The following CLBA1 variants were observed in gnomAD, a reference collection of about 807,000 sequenced individuals.
CLBA1 encodes uncharacterized protein CLBA1.
CLBA1 carries 30 observed loss-of-function variants against 28.8 expected under a neutral mutation model. That is an observed-to-expected ratio of 1.04 (90% CI 0.78 to 1.41). The LOEUF is 1.41. Ranked by LOEUF, CLBA1 falls within the 40% of genes most tolerant of loss-of-function variation. CLBA1 has a pLI of 0.00. For synonymous variants in CLBA1, 160 were observed against 152.8 expected, an observed-to-expected ratio of 1.05 and a Z score of -0.35; for missense variants, 451 against 412.3, an observed-to-expected ratio of 1.09 and a Z score of -0.81.
At position 104,994,625 on chromosome 14, in the gene CLBA1, G is replaced by C; in HGVS notation, c.844G>C (p.Gly282Arg). 6.2e-7 allele frequency: 1 copy of C among 1,612,284 alleles called. No individual in the cohort carries two copies. Residue 282 changes from glycine (G) to arginine (R), a missense_variant, in exon 5 of 5, where the codon GGG (glycine) becomes CGG (arginine). Physicochemically the swap from Gly to Arg is moderately radical, Grantham distance 125. Coordinates refer to ENST00000547315, the MANE Select transcript of CLBA1 (RefSeq NM_174891.4). The part of the protein sequence containing the change: ...KLSGPPGSKQ[G>R]RLMTCSRFLK... ...CTCGGGGCCGCCTGGCAGCAAACAGGGGAGGCTGATGACATGCAGCCGCTT... is the reference window on the plus strand; with the variant it reads ...CTCGGGGCCGCCTGGCAGCAAACAGCGGAGGCTGATGACATGCAGCCGCTT...
At position 104,986,814 on chromosome 14, in the gene CLBA1, G is replaced by T; in HGVS notation, c.383G>T (p.Gly128Val). 6.2e-7 allele frequency: 1 copy of T among 1,613,340 alleles called. No homozygotes were observed. Among genetic ancestry groups the T allele is most frequent in the Non-Finnish European group, 8.5e-7 (1 of 1,179,992 alleles). ...AGTTCTCACCAACCATGCCAGGGTG[G>T]ACCTTGGGTGACAGGAACTTCTGCC... ...ECSSHQPCQG[G>V]PWVTGTSAVP... is the part of the protein sequence containing the mutation. The change falls in exon 1 of 5, where the codon GGA becomes GTA. Residue 128 changes from glycine to valine, a missense_variant. Coordinates refer to ENST00000547315, the MANE Select transcript of CLBA1 (RefSeq NM_174891.4).
Position 104,995,227 on chromosome 14 carries a change from C to T in CLBA1, c.*468C>T. The stretch of plus-strand genomic sequence containing the variant: ...AACCCTCTGTCTGTCACACTCTGCC[C>T]TGGCTGCTGTGTGGTCAGGGCACCA... On this transcript the variant is annotated 3_prime_UTR_variant, in exon 5 of 5. Coordinates refer to ENST00000547315, the MANE Select transcript of CLBA1 (RefSeq NM_174891.4). The T allele has an allele frequency of 1.0e-6, 1 of 986,678 alleles. No individual in the cohort carries two copies. Among genetic ancestry groups the T allele is most frequent in the Non-Finnish European group, 1.2e-6 (1 of 830,876 alleles). The allele number at this position is 986,678 out of a possible 1,614,324, so 61.1% of individuals were successfully genotyped here.
chr14:104,990,944 CGT>C (rs1900001983), intron 2 of CLBA1: 1 of 154,270 alleles, frequency 6.5e-6, no homozygotes, highest in African/African-American at 2.4e-5. Flanking sequence ...AAGGATGGCA[CGT>C]GTTGTTTGAA....
intron 2 of CLBA1, 25 bp downstream of exon 2, chr14:104,989,113 T>TA: frequency 6.3e-7 from 1 of 1,595,972 alleles, no homozygotes; most frequent in Non-Finnish European, 8.5e-7. Context: ...AAATATTTCT[T>TA]ACAGCAACTG....
At chr14:104,995,614 CTCTT>C (rs1424116895), downstream of CLBA1, 1 of 595,148 alleles carries the variant, frequency 1.7e-6, no homozygotes, top group Admixed American at 6.4e-5. Context: ...CCCTGGCTGT[CTCTT>C]TTCCTGCCAA....
intron 3 of CLBA1, among the ~76,000 whole-genome samples, chr14:104,992,222 G>A (rs557512832): frequency 6.1e-5 from 9 of 147,378 alleles, no homozygotes; most frequent in South Asian, 4.3e-4. Context: ...CTCACATGCC[G>A]CCACGCACAC....
intron 1 of CLBA1, among the ~76,000 whole-genome samples, chr14:104,988,148 A>G (rs577404923): frequency 5.9e-5 from 9 of 152,236 alleles, no homozygotes; most frequent in African/African-American, 1.9e-4. Context: ...GTTGGAATAC[A>G]TGAGACTCGC....
At chr14:104,989,249 C>A in intron 2 of CLBA1, 161 bp downstream of exon 2, 1 of 662,576 alleles carries the variant, frequency 1.5e-6, no homozygotes, top group Non-Finnish European at 2.5e-6. Flanking sequence ...AGGGGCAGCA[C>A]GATTGGCGCT....
At chr14:104,992,086 A>C (rs1250221393) in intron 3 of CLBA1, among the ~76,000 whole-genome samples, 1 of 142,028 alleles carries the variant, frequency 7.0e-6, no homozygotes, top group South Asian at 2.3e-4. Context: ...CGCCACGCAC[A>C]TGCCTCACAC....
At chr14:104,998,015 A>G (rs969386184), downstream of CLBA1, among the ~76,000 whole-genome samples, 3 of 149,620 alleles carry the variant, frequency 2.0e-5, no homozygotes, top group African/African-American at 7.7e-5. Flanking sequence ...TCTCAAAAAA[A>G]TAAAGAAAGA....
Position 104,992,942 on chromosome 14 carries a change from C to T in CLBA1, c.700-6C>T, listed in dbSNP as rs1900075771. 3.7e-6 allele frequency: 6 copies of T among 1,608,472 alleles called. No individual in the cohort carries two copies. Among genetic ancestry groups the T allele is most frequent in the Non-Finnish European group, 5.1e-6 (6 of 1,174,898 alleles). ...ACCGGCTGTCTGATGGGGTCTGTCT[C>T]CTTAGAACCTTTCTGGAGGCCAGGG... On this transcript the variant is annotated splice_polypyrimidine_tract_variant and splice_region_variant and intron_variant, in intron 3 of 4. Transcript: ENST00000547315.
intron 2 of CLBA1, chr14:104,991,190 A>AT (rs1176160032): frequency 8.8e-5 from 21 of 237,484 alleles, no homozygotes; most frequent in Non-Finnish European, 1.8e-4. Flanking sequence ...ACGCCCGGCT[A>AT]TTTTTTTGTA....
At chr14:104,988,549 C>T (rs1899932247) in intron 1 of CLBA1, among the ~76,000 whole-genome samples, 1 of 152,138 alleles carries the variant, frequency 6.6e-6, no homozygotes, top group African/African-American at 2.4e-5. Flanking sequence ...CCATGTTGGC[C>T]AGGCTGGTCT....
Position 104,992,960 on chromosome 14 carries a change from G to A in CLBA1, c.712G>A (p.Gly238Ser). The change falls in exon 4 of 5, where the codon GGC (glycine) becomes AGC (serine). Residue 238 changes from glycine to serine, a missense_variant. By Grantham distance (56) the Gly-to-Ser change is moderately conservative. Coordinates refer to ENST00000547315, the MANE Select transcript of CLBA1 (RefSeq NM_174891.4). ...TCTGTCTCCTTAGAACCTTTCTGGA[G>A]GCCAGGGCCACATCATGGAAGATTG... ...IDAAQKNLSG[G>S]QGHIMEDCDL... 3 of 1,613,954 alleles carry A rather than the reference G, an allele frequency of 1.9e-6. No homozygotes were observed. Among genetic ancestry groups the A allele is most frequent in the Non-Finnish European group, 2.5e-6 (3 of 1,179,834 alleles).
chr14:104,994,476 AG>A (rs1192292089), intron 4 of CLBA1, 121 bp from the exon 5 acceptor site: 3 of 1,428,954 alleles, frequency 2.1e-6, no homozygotes, highest in Non-Finnish European at 9.1e-7. Context: ...GGTTTCTAAG[AG>A]GAGAACCAAG....
Position 104,986,020 on chromosome 14 carries a change from C to T in CLBA1, c.-412C>T, listed in dbSNP as rs1899843930. On this transcript the variant is annotated 5_prime_UTR_variant, in exon 1 of 5. Transcript: ENST00000547315. The stretch of plus-strand genomic sequence containing the variant: ...GGGAGGCCCCGGGGCGCCGCACCCA[C>T]TCCTTCCCACTTGGGACTCCCGCGG... The T allele has an allele frequency of 4.1e-6, 1 of 244,328 alleles. No individual in the cohort carries two copies. Among genetic ancestry groups the T allele is most frequent in the Non-Finnish European group, 8.2e-6 (1 of 122,694 alleles). 15.1% of individuals were successfully genotyped at this position (244,328 alleles called of 1,614,324 possible).
intron 2 of CLBA1, chr14:104,989,395 G>A (rs1333513508): frequency 9.8e-6 from 4 of 407,190 alleles, no homozygotes; most frequent in East Asian, 5.5e-5. Flanking sequence ...CTCGCATTCA[G>A]TGCGAGTGGC....
intron 2 of CLBA1, 90 bp from the exon 3 acceptor site, chr14:104,991,401 A>G: frequency 1.3e-6 from 2 of 1,526,174 alleles, no homozygotes; most frequent in South Asian, 1.2e-5. Flanking sequence ...GGTAAAGGCC[A>G]GGCGCCCCGC....
chr14:104,989,384 C>G, intron 2 of CLBA1: 2 of 419,692 alleles, frequency 4.8e-6, no homozygotes, highest in South Asian at 4.1e-5. Flanking sequence ...TGGGTGGGGG[C>G]CTCGCATTCA....
Sources: gnomAD v4.1 joint callset for allele counts (sites outside exome capture counted in the v4.1 genomes callset) on GRCh38, gnomAD v4.1.1 for gene constraint, MANE v1.5 for transcripts, NCBI Gene and HGNC (gene_info 2026-07-23, HGNC 2026-07-21) for gene names.